The following PARG variants were observed in gnomAD, a reference collection of about 807,000 sequenced individuals.
PARG encodes mitochondrial poly(ADP-ribose) glycohydrolase.
PARG carries 35 observed loss-of-function variants against 113.0 expected under a neutral mutation model. The ratio of observed to expected loss-of-function variants is 0.31; its 90% CI spans 0.24 to 0.41. The LOEUF is 0.41. Ranked by LOEUF, PARG falls within the 10% of genes least tolerant of loss-of-function variation. The pLI is 1.00. For synonymous variants in PARG, 330 were observed against 409.9 expected (o/e 0.81, Z 2.36); for missense variants, 797 against 1,169.4 (o/e 0.68, Z 4.64).
intron 4 of PARG, among the ~76,000 whole-genome samples, chr10:49,925,741 C>T (rs1205007198): frequency 6.6e-6 from 1 of 151,974 alleles, no homozygotes; most frequent in Non-Finnish European, 1.5e-5. Flanking sequence ...AGGGAGCCCT[C>T]TTAGGGGCCT....
intron 6 of PARG, among the ~76,000 whole-genome samples, chr10:49,917,819 GAAA>G (rs782349676): frequency 1.7e-5 from 1 of 57,332 alleles, no homozygotes. Flanking sequence ...TCCTGTCTCA[GAAA>G]AAAAAAAAAA....
chr10:49,937,612 T>C (rs1156772962), intron 1 of PARG, among the ~76,000 whole-genome samples: 12 of 152,284 alleles, frequency 7.9e-5, no homozygotes, highest in African/African-American at 2.9e-4. Flanking sequence ...TAGGTTCCTA[T>C]AACACACACG....
intron 9 of PARG, among the ~76,000 whole-genome samples, chr10:49,879,243 T>C (rs1847101115): frequency 6.6e-6 from 1 of 152,124 alleles, no homozygotes; most frequent in African/African-American, 2.4e-5. Flanking sequence ...GACTTTAGAC[T>C]CTCATTTTAT....
intron 7 of PARG, among the ~76,000 whole-genome samples, chr10:49,886,773 A>C (rs184699864): frequency 1.2e-3 from 186 of 152,320 alleles, no homozygotes; most frequent in African/African-American, 3.4e-3. Flanking sequence ...AGAAAGTGAG[A>C]ATAAGAGCTA....
intron 14 of PARG, 86 bp downstream of exon 14, chr10:49,843,468 A>C: frequency 1.3e-6 from 1 of 794,130 alleles, no homozygotes; most frequent in Non-Finnish European, 2.2e-6. Flanking sequence ...GCTGAAATAC[A>C]AGTAGACAGA....
chr10:49,940,794 C>G (rs1839006615), intron 1 of PARG, among the ~76,000 whole-genome samples: 1 of 152,170 alleles, frequency 6.6e-6, no homozygotes, highest in South Asian at 2.1e-4. Context: ...TCCCAAAGCT[C>G]AGGGATTACA....
At chr10:49,934,907 A>G (rs1838675986) in intron 2 of PARG, among the ~76,000 whole-genome samples, 169 bp downstream of exon 2, 1 of 152,124 alleles carries the variant, frequency 6.6e-6, no homozygotes, top group Non-Finnish European at 1.5e-5. Context: ...AGTATACAGG[A>G]CAGTCCCTGG....
rs782657099 is a variant in PARG, at chr10:49,838,431, C to CAA, written c.2541+3517_2541+3518dup. 4.0e-3 allele frequency among the ~76,000 whole-genome samples: 160 copies of CAA among 40,240 alleles called. 8 individuals carry two copies. The highest frequency in any genetic ancestry group is 0.015 in the Middle Eastern group (1 of 68). The allele number at this position is 40,240 out of a possible 152,430, so 26.4% of individuals were successfully genotyped here. A position where few individuals can be genotyped will look rare whatever the true frequency, so the allele number is the denominator to read the frequency against. On this transcript the variant is annotated intron_variant, in intron 15 of 17. Coordinates refer to ENST00000616448, the MANE Select transcript of PARG (RefSeq NM_003631.5). ...GGGCACCAAGAGTGAAACTCCGTCT[C>CAA]AAAAAAAAAAAAAAAAAAAAAAAAA...
At chr10:49,906,704 T>C (rs2132784064) in intron 7 of PARG, among the ~76,000 whole-genome samples, 1 of 152,228 alleles carries the variant, frequency 6.6e-6, no homozygotes, top group East Asian at 1.9e-4. Context: ...CTATAGTTGG[T>C]ACATAGAAAA....
At position 49,921,018 on chromosome 10, in the gene PARG, A is replaced by T. The variant is rs1261745819; in HGVS notation, c.1662+1318T>A. On this transcript the variant is annotated intron_variant, in intron 6 of 17. Transcript: ENST00000616448. ...CTGCTCTCAGCTTGCACAGCACCTTAGGTGTGGGAAGAATATATGGATAGG... is the reference window on the plus strand; with the variant it reads ...CTGCTCTCAGCTTGCACAGCACCTTTGGTGTGGGAAGAATATATGGATAGG... Among the ~76,000 whole-genome samples, 3 of 152,222 alleles carry T rather than the reference A, an allele frequency of 2.0e-5. No individual in the cohort carries two copies. In the East Asian group the frequency reaches 5.8e-4, roughly 29 times the overall value.
chr10:49,922,368 G>A lies in PARG; in HGVS notation c.1630C>T (p.Leu544Phe), dbSNP rs1176468329. The change falls in exon 6 of 18, where the codon CTC (leucine) becomes TTC (phenylalanine). Residue 544 changes from leucine (L) to phenylalanine (F), a missense_variant. Transcript: ENST00000616448. Reference sequence around the variant, plus strand: ...TTTTGGGGTCGTGTAAATTTGTTGAGAAGTGCAGTCTGAATGAGCTCCCAC... The same window carrying A: ...TTTTGGGGTCGTGTAAATTTGTTGAAAAGTGCAGTCTGAATGAGCTCCCAC... ...SRWELIQTAL[L>F]NKFTRPQNLK... The A allele has an allele frequency of 6.2e-7, 1 of 1,605,438 alleles. No homozygotes were observed. Among genetic ancestry groups the A allele is most frequent in the African/African-American group, 1.3e-5 (1 of 74,734 alleles).
chr10:49,838,782 T>A (rs782119485), intron 15 of PARG, among the ~76,000 whole-genome samples: 66 of 152,180 alleles, frequency 4.3e-4, no homozygotes, highest in Non-Finnish European at 7.4e-4. Flanking sequence ...AAATTAGACT[T>A]TATTGCATAT....
intron 4 of PARG, among the ~76,000 whole-genome samples, chr10:49,924,779 C>T (rs1394679185): frequency 5.9e-5 from 9 of 151,824 alleles, no homozygotes; most frequent in African/African-American, 9.7e-5. Context: ...CTGAAAGAAA[C>T]GGAAGTATTT....
chr10:49,828,092 CAAAAA>C (rs71026274), intron 16 of PARG, among the ~76,000 whole-genome samples: 1 of 50,368 alleles, frequency 2.0e-5, no homozygotes, highest in African/African-American at 8.0e-5. Context: ...AAAGCTTAAA[CAAAAA>C]AAAAAAAAAA....
intron 13 of PARG, among the ~76,000 whole-genome samples, chr10:49,847,263 G>A (rs1845556083): frequency 6.6e-6 from 1 of 152,210 alleles, no homozygotes; most frequent in South Asian, 2.1e-4. Flanking sequence ...AGGACAAGAT[G>A]TTTACAGTTT....
At chr10:49,927,996 G>GCC (rs1380919279) in intron 4 of PARG, among the ~76,000 whole-genome samples, 2 of 151,450 alleles carry the variant, frequency 1.3e-5, no homozygotes, top group African/African-American at 4.8e-5. Flanking sequence ...AGAAGGCCAG[G>GCC]AACAGTGGCT....
intron 13 of PARG, among the ~76,000 whole-genome samples, chr10:49,846,605 C>T (rs2664645): frequency 0.28 from 43,009 of 151,706 alleles, 6,357 homozygotes; most frequent in Non-Finnish European, 0.32. Flanking sequence ...CTTAAACAAA[C>T]GAGAAAAATT....
chr10:49,930,452 T>G (rs1838427281), intron 4 of PARG, among the ~76,000 whole-genome samples: 2 of 152,104 alleles, frequency 1.3e-5, no homozygotes, highest in Non-Finnish European at 2.9e-5. Context: ...ATGACTTAAG[T>G]CTGGTTCCTG....
chr10:49,902,543 T>C (rs1319970093), intron 7 of PARG, among the ~76,000 whole-genome samples: 4 of 152,208 alleles, frequency 2.6e-5, no homozygotes, highest in African/African-American at 4.8e-5. Flanking sequence ...TACTGAATTC[T>C]AGTCATTTAT....
Sources: gnomAD v4.1 joint callset for allele counts (sites outside exome capture counted in the v4.1 genomes callset) on GRCh38, gnomAD v4.1.1 for gene constraint, MANE v1.5 for transcripts, NCBI Gene and HGNC (gene_info 2026-07-23, HGNC 2026-07-21) for gene names.